The following CPSF4 variants were observed in gnomAD, a reference collection of about 807,000 sequenced individuals.
CPSF4 encodes cleavage and polyadenylation specificity factor subunit 4.
Under a neutral mutation model 37.7 loss-of-function variants are expected in CPSF4, and 11 were observed. The ratio of observed to expected loss-of-function variants is 0.29; its 90% confidence interval spans 0.18 to 0.48. The LOEUF (loss-of-function observed/expected upper bound fraction) is 0.48. Among genes scored for constraint, CPSF4 ranks in the 20% least tolerant of loss-of-function variants. CPSF4 has a pLI of 0.99. For synonymous variants in CPSF4, 132 were observed against 135.9 expected (o/e 0.97, Z 0.20); for missense variants, 144 against 359.5 (o/e 0.40, Z 4.85).
At chr7:99,447,906 G>A (rs919869611) in intron 2 of CPSF4, 34 of 599,654 alleles carry the variant, frequency 5.7e-5, no homozygotes, top group Admixed American at 3.5e-4. Context: ...CACTGCGCCC[G>A]GCCATGAGTA....
chr7:99,445,412 C>CA (rs35628302), intron 2 of CPSF4, among the ~76,000 whole-genome samples: 9,085 of 142,164 alleles, frequency 0.064, 298 homozygotes, highest in Middle Eastern at 0.1. Context: ...GACTCTATCT[C>CA]AAAAAAAAAA....
chr7:99,441,886 T>A (rs1212403416), intron 1 of CPSF4, among the ~76,000 whole-genome samples: 3 of 152,026 alleles, frequency 2.0e-5, no homozygotes, highest in Non-Finnish European at 4.4e-5. Context: ...GAGATGGGGT[T>A]TCACCATATT....
At chr7:99,440,234 G>A (rs1310550395) in intron 1 of CPSF4, among the ~76,000 whole-genome samples, 1 of 152,006 alleles carries the variant, frequency 6.6e-6, no homozygotes, top group Non-Finnish European at 1.5e-5. Context: ...GTGTGCTGTC[G>A]CCCACAACTA....
intron 1 of CPSF4, among the ~76,000 whole-genome samples, chr7:99,440,674 A>ATATATATTTTTTTTTTTTTTT: frequency 7.9e-5 from 7 of 88,086 alleles, no homozygotes; most frequent in East Asian, 3.4e-4. Flanking sequence ...ATATATATAT[A>ATATATATTTTTTTTTTTTTTT]TTTTTTTTTT....
At chr7:99,447,740 C>G (rs1797635002) in intron 2 of CPSF4, 1 of 428,534 alleles carries the variant, frequency 2.3e-6, no homozygotes, top group Non-Finnish European at 4.8e-6. Context: ...TAGGCGCCAG[C>G]CACCATGCGC....
chr7:99,443,344 C>T, intron 1 of CPSF4: 1 of 1,044,214 alleles, frequency 9.6e-7, no homozygotes, highest in Non-Finnish European at 1.5e-6. Context: ...AGTACATCTT[C>T]ATTTGCCTCC....
At chr7:99,441,199 C>T (rs183983322) in intron 1 of CPSF4, among the ~76,000 whole-genome samples, 9 of 152,226 alleles carry the variant, frequency 5.9e-5, no homozygotes, top group Admixed American at 3.9e-4. Flanking sequence ...GATCCACCTG[C>T]CTCGGCCTCC....
intron 2 of CPSF4, 114 bp downstream of exon 2, chr7:99,444,953 C>T: frequency 2.2e-6 from 2 of 905,652 alleles, no homozygotes; most frequent in Non-Finnish European, 3.5e-6. Flanking sequence ...TACAGACTAA[C>T]GATCTCTGTA....
Position 99,450,910 on chromosome 7 carries a change from C to T in CPSF4, c.497+115C>T, listed in dbSNP as rs903918020. ...TCACTGGGTGATGTCAGTACCAGGG[C>T]CAAGGGTGGGGGCAGGAGATGGGGA... On this transcript the variant is annotated intron_variant, in intron 5 of 7. Coordinates refer to ENST00000292476, the MANE Select transcript of CPSF4 (RefSeq NM_006693.4). 1.2e-5 allele frequency: 9 copies of T among 725,002 alleles called. No individual in the cohort carries two copies. In the African/African-American group the frequency reaches 1.6e-4, roughly 13 times the overall value. The allele number at this position is 725,002 out of a possible 1,614,324, so 44.9% of individuals were successfully genotyped here. A position where few individuals can be genotyped will look rare whatever the true frequency, so the allele number is the denominator to read the frequency against.
intron 5 of CPSF4, among the ~76,000 whole-genome samples, chr7:99,452,041 C>A (rs1731494610): frequency 1.3e-5 from 2 of 152,314 alleles, no homozygotes; most frequent in African/African-American, 4.8e-5. Flanking sequence ...GTGTACAGCT[C>A]CTGTGGCGCA....
At chr7:99,441,546 C>T (rs1318834013) in intron 1 of CPSF4, 4 of 456,134 alleles carry the variant, frequency 8.8e-6, no homozygotes, top group Non-Finnish European at 1.8e-5. Flanking sequence ...TCCTCTTCAT[C>T]CCCATCTGAG....
At chr7:99,440,972 CAG>C (rs1329930783) in intron 1 of CPSF4, among the ~76,000 whole-genome samples, 7 of 117,422 alleles carry the variant, frequency 6.0e-5, no homozygotes, top group African/African-American at 2.1e-4. Context: ...TTTTTTGAGA[CAG>C]AGTTTTGCTT....
At chr7:99,451,598 C>A (rs1584510020) in intron 5 of CPSF4, among the ~76,000 whole-genome samples, 2 of 152,330 alleles carry the variant, frequency 1.3e-5, no homozygotes, top group African/African-American at 4.8e-5. Flanking sequence ...GAGCAAGACT[C>A]CATCTCTAAA....
intron 2 of CPSF4, among the ~76,000 whole-genome samples, chr7:99,445,877 CT>C (rs1344797691): frequency 6.6e-6 from 1 of 151,880 alleles, no homozygotes; most frequent in East Asian, 1.9e-4. Flanking sequence ...GAGTGAGACT[CT>C]GTCTTAACAA....
At position 99,448,403 on chromosome 7, in the gene CPSF4, A is replaced by G; in HGVS notation, c.307+130A>G. ...TATTCTCAGAGGAGAACTCTGGCAGAACCTGCCAGCCTCAGCCAGCTTTTA... is the reference window on the plus strand; with the variant it reads ...TATTCTCAGAGGAGAACTCTGGCAGGACCTGCCAGCCTCAGCCAGCTTTTA... On this transcript the variant is annotated intron_variant, in intron 3 of 7. Coordinates refer to ENST00000292476, the MANE Select transcript of CPSF4 (RefSeq NM_006693.4). This position sits in a 1 kb window ranked among gnomAD's most constrained non-coding sequence, Gnocchi z 4.4. 4.1e-6 allele frequency: 4 copies of G among 986,358 alleles called. No homozygotes were observed. Among genetic ancestry groups the G allele is most frequent in the Non-Finnish European group, 2.9e-6 (2 of 696,728 alleles). 61.1% of individuals were successfully genotyped at this position (986,358 alleles called of 1,614,324 possible).
intron 5 of CPSF4, 46 bp from the exon 6 acceptor site, chr7:99,452,322 C>T (rs1405704578): frequency 1.3e-6 from 2 of 1,514,630 alleles, no homozygotes; most frequent in African/African-American, 1.4e-5. Context: ...ATCCCCTGAC[C>T]CCACTCCTTC....
chr7:99,440,848 A>G (rs1222326542), intron 1 of CPSF4, among the ~76,000 whole-genome samples: 5 of 147,584 alleles, frequency 3.4e-5, no homozygotes, highest in African/African-American at 1.3e-4. Flanking sequence ...ACCACTGTAC[A>G]CTCCCTAAAA....
rs1797110310 is a variant in CPSF4 at position 99,442,667 on chromosome 7, AAAAAAAAAC to A, written c.104-2115_104-2107del. Among the ~76,000 whole-genome samples, 3 of 151,332 alleles carry A rather than the reference AAAAAAAAAC, an allele frequency of 2.0e-5. No homozygotes were observed. In the South Asian group the frequency reaches 6.3e-4, roughly 32 times the overall value. ...CGAGACTCCGTCTCAAAAAAAAAAAAAAAAAAAACAAAAAACAAGCAATATAATCAAAAA... is the reference window on the plus strand; with the variant it reads ...CGAGACTCCGTCTCAAAAAAAAAAAAAAAAAACAAGCAATATAATCAAAAA... On this transcript the variant is annotated intron_variant, in intron 1 of 7. Coordinates refer to ENST00000292476, the MANE Select transcript of CPSF4 (RefSeq NM_006693.4).
intron 7 of CPSF4, 59 bp downstream of exon 7, chr7:99,454,195 C>T: frequency 7.0e-7 from 1 of 1,422,098 alleles, no homozygotes; most frequent in Non-Finnish European, 9.7e-7. Context: ...TGGCCATTCC[C>T]TCATGCCCCA....
Sources: allele counts gnomAD v4.1 joint callset (sites outside exome capture counted in the v4.1 genomes callset), GRCh38; gene constraint gnomAD v4.1.1; non-coding constraint Gnocchi (gnomAD v3.1); transcripts MANE v1.5; gene names NCBI Gene and HGNC (gene_info 2026-07-23, HGNC 2026-07-21).